Variants in RBBP7 observed in about 807,000 individuals in gnomAD.
RBBP7 encodes the protein RB binding protein 7, chromatin remodeling factor, also known as histone-binding protein RBBP7.
In RBBP7, 5 loss-of-function variants were observed where a neutral mutation model predicts 35.2. The observed-to-expected ratio is 0.14, with a 90% CI of 0.07 to 0.30. RBBP7 has a LOEUF of 0.30. RBBP7 is among the 10% of genes least tolerant of loss of function. The pLI, the probability that RBBP7 is intolerant of heterozygous loss-of-function variation, is 1.00. For synonymous variants in RBBP7, 140 were observed against 118.7 expected (o/e 1.18, Z -1.17); for missense variants, 155 against 327.5 (o/e 0.47, Z 4.07).
chrX:16,858,570 T>C lies in RBBP7; in HGVS notation c.481+106A>G, dbSNP rs1045477061. On this transcript the variant is annotated intron_variant, in intron 4 of 11. Transcript: ENST00000380087. The stretch of plus-strand genomic sequence containing the variant: ...TGGTTATGGGACCCCCAAAGCAATT[T>C]TTAAACCTTTAAATATTATAAAGTA... 4.6e-6 allele frequency: 5 copies of C among 1,082,460 alleles called. No individual in the cohort carries two copies. The Admixed American group carries it at 1.6e-4, about 34-fold the overall frequency. 89.2% of individuals were successfully genotyped at this position (1,082,460 alleles called of 1,213,427 possible). A position where few individuals can be genotyped will look rare whatever the true frequency, so the allele number is the denominator to read the frequency against.
rs141936185 is a variant in RBBP7, at chrX:16,845,071, A to T, written c.1242T>A (p.Asp414Glu). The T allele has an allele frequency of 1.7e-6, 2 of 1,208,636 alleles. No homozygotes were observed. Among genetic ancestry groups the T allele is most frequent in the African/African-American group, 3.5e-5 (2 of 57,354 alleles). ...GTCCCTCCAGTTCGGATGTCGTGACATCTGACTCTTCATCATTGTAAATAT... is the reference window on the plus strand; with the variant it reads ...GTCCCTCCAGTTCGGATGTCGTGACTTCTGACTCTTCATCATTGTAAATAT... ...AENIYNDEES[D>E]VTTSELEGQG... The change falls in exon 12 of 12, where the codon GAT (aspartate) becomes GAA (glutamate). Residue 414 changes from aspartate (D) to glutamate (E), a missense_variant. By Grantham distance (45) the Asp-to-Glu change is conservative. This residue lies in a region of RBBP7 where 17 missense variants were observed against 16.3 expected (regional missense o/e 1.04). Transcript: ENST00000380087.
intron 5 of RBBP7, among the ~76,000 whole-genome samples, chrX:16,854,652 G>C (rs1184590807): frequency 2.7e-5 from 3 of 110,310 alleles, no homozygotes; most frequent in Admixed American, 9.7e-5. Context: ...ACAGGTAAAC[G>C]ACACTGGGCC....
Position 16,856,854 on chromosome X carries a change from A to C in RBBP7, c.597+740T>G, listed in dbSNP as rs756214604. ...AACATACATCTACACAAAAACTTGT[A>C]AACAAATGCTTGTAACATAATTCAA... is the stretch of plus-strand genomic sequence containing the variant. On this transcript the variant is annotated intron_variant, in intron 5 of 11. Coordinates refer to ENST00000380087, the MANE Select transcript of RBBP7 (RefSeq NM_002893.4). 1.1e-4 allele frequency among the ~76,000 whole-genome samples: 12 copies of C among 112,321 alleles called. No individual in the cohort carries two copies. The South Asian group carries it at 4.0e-3, about 37-fold the overall frequency.
At chrX:16,869,663 C>T (rs1255962195) in intron 1 of RBBP7, 30 of 1,090,385 alleles carry the variant, frequency 2.8e-5, no homozygotes, top group Non-Finnish European at 3.6e-5. Flanking sequence ...CCCCAGCAAC[C>T]CCCGGACAAG....
intron 3 of RBBP7, among the ~76,000 whole-genome samples, chrX:16,859,952 G>A (rs1279726677): frequency 1.8e-5 from 2 of 111,079 alleles, no homozygotes; most frequent in Admixed American, 1.9e-4. Flanking sequence ...TACTATTTCA[G>A]TGTGGTTGAA....
At chrX:16,868,876 A>G (rs1021352244) in intron 2 of RBBP7, among the ~76,000 whole-genome samples, 200 bp downstream of exon 2, 1 of 112,174 alleles carries the variant, frequency 8.9e-6, no homozygotes, top group Non-Finnish European at 1.9e-5. Flanking sequence ...ATCTCACAAC[A>G]GCTTCTTTCT....
At chrX:16,846,608 C>T (rs963121830) in intron 10 of RBBP7, 2 of 111,971 alleles carry the variant, frequency 1.8e-5, no homozygotes, top group Admixed American at 9.5e-5. Context: ...AGTTGTTCCC[C>T]GCAAGAGACA....
At chrX:16,851,876 C>T (rs1212240349) in intron 9 of RBBP7, among the ~76,000 whole-genome samples, 170 bp downstream of exon 9, 1 of 112,534 alleles carries the variant, frequency 8.9e-6, no homozygotes, top group Non-Finnish European at 1.9e-5. Context: ...TTTGCTGCTT[C>T]ACTTCTATTT....
In RBBP7 at chrX:16,853,905, T is replaced by C. The variant is rs867696125; in HGVS notation, c.598-63A>G. The stretch of plus-strand genomic sequence containing the variant: ...TATAAGAGACTGATTTTTTTTTTTT[T>C]CCCTCGAGACAGTGTCTCAGTCTGT... On this transcript the variant is annotated intron_variant, in intron 5 of 11. Coordinates refer to ENST00000380087, the MANE Select transcript of RBBP7 (RefSeq NM_002893.4). 3.4e-4 allele frequency: 222 copies of C among 655,353 alleles called. 1 individual carries two copies. In the East Asian group the frequency reaches 4.8e-3, roughly 14 times the overall value. The allele number at this position is 655,353 out of a possible 1,213,427, so 54.0% of individuals were successfully genotyped here.
At chrX:16,865,818 C>T (rs1023095612) in intron 2 of RBBP7, among the ~76,000 whole-genome samples, 2 of 112,387 alleles carry the variant, frequency 1.8e-5, no homozygotes, top group African/African-American at 3.2e-5. Context: ...AAGTATCCAT[C>T]AGCAAGGAAC....
In RBBP7 at chrX:16,867,648, T is replaced by G. The variant is rs765557511; in HGVS notation, c.161+1428A>C. On this transcript the variant is annotated intron_variant, in intron 2 of 11. Transcript: ENST00000380087. ...GAACCCGGCCACTGTAAGAGCAGTT[T>G]TATATACATTAGATTATTATTATAA... Among the ~76,000 whole-genome samples, 6 of 111,160 alleles carry G rather than the reference T, an allele frequency of 5.4e-5. No individual in the cohort carries two copies. In the East Asian group the frequency reaches 1.7e-3, roughly 31 times the overall value.
chrX:16,867,203 G>C (rs990832757), intron 2 of RBBP7, among the ~76,000 whole-genome samples: 1 of 111,251 alleles, frequency 9.0e-6, no homozygotes, highest in Non-Finnish European at 1.9e-5. Flanking sequence ...CTCAAATGTA[G>C]GTAGTCAGTA....
intron 2 of RBBP7, 42 bp from the exon 3 acceptor site, chrX:16,863,142 A>C: frequency 1.7e-6 from 2 of 1,144,403 alleles, no homozygotes; most frequent in Non-Finnish European, 2.4e-6. Context: ...CCTACAAGAA[A>C]TCTCCAATTG....
chrX:16,858,859 G>A lies in RBBP7; in HGVS notation c.308-10C>T, dbSNP rs1569061599. On this transcript the variant is annotated splice_polypyrimidine_tract_variant and intron_variant, in intron 3 of 11. Transcript: ENST00000380087. ...CCAAAGCCACCAAATTCTAATGTGA[G>A]GAGAAAGAAACACACACACACACAC... is the stretch of plus-strand genomic sequence containing the variant. 8.3e-7 allele frequency: 1 copy of A among 1,207,815 alleles called. No homozygotes were observed. The highest frequency in any genetic ancestry group is 2.2e-5 in the Admixed American group (1 of 45,825).
intron 3 of RBBP7, among the ~76,000 whole-genome samples, 155 bp downstream of exon 3, chrX:16,862,800 A>C (rs1569062730): frequency 8.9e-6 from 1 of 112,517 alleles, no homozygotes; most frequent in African/African-American, 3.2e-5. Flanking sequence ...ATTACGACTA[A>C]AATCCTTGTG....
chrX:16,851,038 T>G (rs1002286577), intron 9 of RBBP7, among the ~76,000 whole-genome samples: 1 of 108,550 alleles, frequency 9.2e-6, no homozygotes, highest in Non-Finnish European at 1.9e-5. Context: ...GCATGAGAAC[T>G]GCTTGAACCT....
chrX:16,863,287 A>T (rs1372893095), intron 2 of RBBP7, among the ~76,000 whole-genome samples, 187 bp from the exon 3 acceptor site: 1 of 111,942 alleles, frequency 8.9e-6, no homozygotes, highest in Non-Finnish European at 1.9e-5. Context: ...ATAAGAAAAT[A>T]TTCTAGCTAC....
chrX:16,859,430 C>T (rs1196874080), intron 3 of RBBP7, among the ~76,000 whole-genome samples: 1 of 111,876 alleles, frequency 8.9e-6, no homozygotes, highest in East Asian at 2.8e-4. Context: ...TTAACCTCTC[C>T]GCCCATCTGG....
At chrX:16,869,872 GCGGTC>G in intron 1 of RBBP7, 161 bp downstream of exon 1, 2 of 829,103 alleles carry the variant, frequency 2.4e-6, no homozygotes, top group Non-Finnish European at 2.9e-6. Flanking sequence ...CCTCGGCGCG[GCGGTC>G]CCGTCCCGCG....
Sources: allele counts gnomAD v4.1 joint callset (sites outside exome capture counted in the v4.1 genomes callset), GRCh38; gene constraint gnomAD v4.1.1; regional missense constraint gnomAD v4.1.1; transcripts MANE v1.5; gene names NCBI Gene and HGNC (gene_info 2026-07-23, HGNC 2026-07-21).